Variants in GALNT7 observed in about 807,000 individuals in gnomAD.
GALNT7 encodes the protein polypeptide N-acetylgalactosaminyltransferase 7, also known as N-acetylgalactosaminyltransferase 7.
In GALNT7, 60 loss-of-function variants were observed where a neutral mutation model predicts 82.1. The observed-to-expected ratio is 0.73, with a 90% CI of 0.59 to 0.91. The LOEUF is 0.91. Among genes scored for constraint, GALNT7 ranks in the 40% least tolerant of loss-of-function variants. The pLI is 0.00. For synonymous variants in GALNT7, 243 were observed against 275.1 expected, an observed-to-expected ratio of 0.88 and a Z score of 1.15; for missense variants, 660 against 804.2, an observed-to-expected ratio of 0.82 and a Z score of 2.17.
At chr4:173,297,751 T>G (rs187428981) in intron 5 of GALNT7, 2 of 1,036,428 alleles carry the variant, frequency 1.9e-6, no homozygotes, top group Non-Finnish European at 2.6e-6. Context: ...GCTGAACTAG[T>G]CTTGGGTTCT....
chr4:173,306,158 T>G (rs921624703), intron 8 of GALNT7, among the ~76,000 whole-genome samples: 3 of 152,172 alleles, frequency 2.0e-5, no homozygotes, highest in Non-Finnish European at 4.4e-5. Context: ...AATCGGATTG[T>G]TTTCTTAGTT....
chr4:173,275,200 T>C (rs1464454238), intron 2 of GALNT7, among the ~76,000 whole-genome samples: 1 of 152,202 alleles, frequency 6.6e-6, no homozygotes, highest in Non-Finnish European at 1.5e-5. Context: ...TATTCGAACG[T>C]TTCTGTCCCA....
chr4:173,290,187 CATT>C (rs886772531), intron 2 of GALNT7, among the ~76,000 whole-genome samples: 4 of 152,048 alleles, frequency 2.6e-5, no homozygotes, highest in Admixed American at 6.6e-5. Flanking sequence ...ATTATTGAAA[CATT>C]ATTATGAAAT....
intron 1 of GALNT7, among the ~76,000 whole-genome samples, chr4:173,247,562 C>T (rs907284111): frequency 1.3e-5 from 2 of 151,880 alleles, no homozygotes; most frequent in Non-Finnish European, 2.9e-5. Context: ...GTTGTGCTAC[C>T]GACAAAAGGT....
At chr4:173,172,380 A>G (rs1210389795) in intron 1 of GALNT7, among the ~76,000 whole-genome samples, 1 of 152,180 alleles carries the variant, frequency 6.6e-6, no homozygotes, top group East Asian at 1.9e-4. Context: ...AAGGGCATAT[A>G]CTAGTTAAAA....
chr4:173,218,593 A>G (rs772676547), intron 1 of GALNT7, among the ~76,000 whole-genome samples: 2 of 152,158 alleles, frequency 1.3e-5, no homozygotes, highest in Non-Finnish European at 2.9e-5. Flanking sequence ...CAACTCAGGC[A>G]AGTTTCCCAG....
At chr4:173,176,151 C>T (rs1236543578) in intron 1 of GALNT7, among the ~76,000 whole-genome samples, 3 of 152,028 alleles carry the variant, frequency 2.0e-5, no homozygotes, top group African/African-American at 7.2e-5. Flanking sequence ...AAGGTGATGG[C>T]CAGAGCAGAG....
In GALNT7 at chr4:173,318,477, G is replaced by GT; in HGVS notation, c.1757dup (p.Leu586PhefsTer6). 1 of 1,599,594 alleles carries GT rather than the reference G, an allele frequency of 6.3e-7. No individual in the cohort carries two copies. Among genetic ancestry groups the GT allele is most frequent in the Non-Finnish European group, 8.6e-7 (1 of 1,167,914 alleles). On this transcript the variant is annotated frameshift_variant, in exon 11 of 12. Coordinates refer to ENST00000265000, the MANE Select transcript of GALNT7 (RefSeq NM_017423.3). LOFTEE classifies it high-confidence loss of function. ...AATCAACTCATGCAGTATGACCAGT[G>GT]TTTGACAAAGGGAGCTGATGGATCA...
intron 1 of GALNT7, among the ~76,000 whole-genome samples, chr4:173,206,288 G>A (rs970605985): frequency 2.0e-5 from 3 of 152,220 alleles, no homozygotes; most frequent in African/African-American, 7.2e-5. Flanking sequence ...TGATGCAAGT[G>A]ATGTCAAACT....
At chr4:173,176,358 G>A (rs1364258956) in intron 1 of GALNT7, among the ~76,000 whole-genome samples, 1 of 152,184 alleles carries the variant, frequency 6.6e-6, no homozygotes, top group Non-Finnish European at 1.5e-5. Context: ...GATGATGGGG[G>A]TGTGTGGCTC....
chr4:173,246,095 A>G (rs915800433), intron 1 of GALNT7, among the ~76,000 whole-genome samples: 4 of 152,344 alleles, frequency 2.6e-5, no homozygotes, highest in East Asian at 3.9e-4. Context: ...GTCTAACTCA[A>G]CTTTCCAGCT....
At chr4:173,183,041 T>TAAAC (rs1355270873) in intron 1 of GALNT7, among the ~76,000 whole-genome samples, 3 of 40,736 alleles carry the variant, frequency 7.4e-5, no homozygotes, top group African/African-American at 3.6e-4. Context: ...TCCACACACA[T>TAAAC]AAACACACAC....
At chr4:173,240,687 A>AGTAT (rs1158948373) in intron 1 of GALNT7, among the ~76,000 whole-genome samples, 10 of 152,196 alleles carry the variant, frequency 6.6e-5, no homozygotes, top group Non-Finnish European at 1.3e-4. Flanking sequence ...GACTGGGGAT[A>AGTAT]CCATCAGTGC....
intron 2 of GALNT7, among the ~76,000 whole-genome samples, chr4:173,281,988 T>TG (rs1736128100): frequency 6.6e-6 from 1 of 151,624 alleles, no homozygotes; most frequent in African/African-American, 2.4e-5. Context: ...GACACAAGGG[T>TG]GGGGGTGGAG....
intron 2 of GALNT7, among the ~76,000 whole-genome samples, chr4:173,260,953 G>A (rs1042798429): frequency 1.3e-5 from 2 of 152,152 alleles, no homozygotes; most frequent in Non-Finnish European, 1.5e-5. Context: ...TTTACGAAGC[G>A]AAAATTGTCA....
chr4:173,309,592 C>T (rs999464980), intron 8 of GALNT7, among the ~76,000 whole-genome samples: 1 of 152,210 alleles, frequency 6.6e-6, no homozygotes, highest in African/African-American at 2.4e-5. Flanking sequence ...GGTTGGGCTG[C>T]TTTCATAAGT....
chr4:173,224,826 C>G (rs1733759887), intron 1 of GALNT7, among the ~76,000 whole-genome samples: 1 of 151,620 alleles, frequency 6.6e-6, no homozygotes, highest in Admixed American at 6.6e-5. Context: ...TCCTGGCTAA[C>G]ACGGTGAAAC....
At chr4:173,179,528 GC>G in intron 1 of GALNT7, among the ~76,000 whole-genome samples, 1 of 152,182 alleles carries the variant, frequency 6.6e-6, no homozygotes, top group Admixed American at 6.5e-5. Flanking sequence ...TTTGCAAGTA[GC>G]TTTTTCAACT....
intron 1 of GALNT7, among the ~76,000 whole-genome samples, chr4:173,184,426 G>C (rs971848547): frequency 1.3e-5 from 2 of 151,980 alleles, no homozygotes; most frequent in African/African-American, 2.4e-5. Flanking sequence ...GCGAAACCCC[G>C]TCTCCACCAA....
Sources: allele counts gnomAD v4.1 joint callset (sites outside exome capture counted in the v4.1 genomes callset), GRCh38; gene constraint gnomAD v4.1.1; transcripts MANE v1.5; gene names NCBI Gene and HGNC (gene_info 2026-07-23, HGNC 2026-07-21).